SETX: variants seen among roughly 807,000 people sequenced by gnomAD.
SETX encodes the protein helicase senataxin.
Under a neutral mutation model 227.2 loss-of-function variants are expected in SETX, and 90 were observed. That is an observed-to-expected ratio of 0.40 (90% CI 0.33 to 0.47). The LOEUF is 0.47. SETX is among the 20% of genes least tolerant of loss of function. The probability of loss-of-function intolerance (pLI) is 0.91; values close to 1 mark genes in which losing one functional copy is unlikely to be tolerated. For synonymous variants in SETX, 1,210 were observed against 1,113.2 expected (o/e 1.09, Z -1.73); for missense variants, 3,052 against 3,181.5 (o/e 0.96, Z 0.98).
rs202047872 is a variant in SETX, at chr9:132,327,118, C to A, written c.4480G>T (p.Asp1494Tyr). 6 of 1,614,194 alleles carry A rather than the reference C, an allele frequency of 3.7e-6. No homozygotes were observed. In the East Asian group the frequency reaches 1.1e-4, roughly 30 times the overall value. ...TCATTTTGGGTTAAAAATAAGTTATCTTCCTCTGCATCACTGCTGGAGTCA... is the reference window on the plus strand; with the variant it reads ...TCATTTTGGGTTAAAAATAAGTTATATTCCTCTGCATCACTGCTGGAGTCA... Reference protein sequence around the residue: ...EPDSSSDAEEDNLFLTQNDPE... With the variant: ...EPDSSSDAEEYNLFLTQNDPE... Residue 1494 changes from aspartate (D) to tyrosine (Y), a missense_variant, in exon 10 of 26, where the codon GAT becomes TAT. Asp to Tyr is a radical substitution (Grantham distance 160, BLOSUM62 -3). This residue lies in a region of SETX where 1,483 missense variants were observed against 1,312.0 expected (regional missense o/e 1.13). Coordinates refer to ENST00000224140, the MANE Select transcript of SETX (RefSeq NM_015046.7).
intron 12 of SETX, 34 bp downstream of exon 12, chr9:132,300,596 G>A: frequency 6.2e-7 from 1 of 1,603,750 alleles, no homozygotes; most frequent in Non-Finnish European, 8.5e-7. Flanking sequence ...GACTGTATCT[G>A]ACATTTCCTG....
Position 132,263,718 on chromosome 9 carries a change from CAGCACTA to C in SETX, c.*514_*520del. 6.4e-6 allele frequency: 1 copy of C among 156,918 alleles called. No homozygotes were observed. Among genetic ancestry groups the C allele is most frequent in the South Asian group, 1.9e-4 (1 of 5,298 alleles). 9.7% of individuals were successfully genotyped at this position (156,918 alleles called of 1,614,324 possible). On this transcript the variant is annotated 3_prime_UTR_variant, in exon 26 of 26. Coordinates refer to ENST00000224140, the MANE Select transcript of SETX (RefSeq NM_015046.7). ...ATAGAGCCAGAGACACCTGACCCAC[CAGCACTA>C]ACTCAGCTTATTCCAAGCTAGGCTG...
chr9:132,302,914 T>G (rs1564510588), intron 11 of SETX, among the ~76,000 whole-genome samples: 1 of 152,180 alleles, frequency 6.6e-6, no homozygotes, highest in African/African-American at 2.4e-5. Flanking sequence ...CAACTGATAT[T>G]CCGACAAATA....
intron 10 of SETX, among the ~76,000 whole-genome samples, chr9:132,314,099 T>C (rs10901159): frequency 0.26 from 36,625 of 142,334 alleles, 5,530 homozygotes; most frequent in East Asian, 0.67. Flanking sequence ...CCCAGCTCAC[T>C]TTTTTTTTTG....
chr9:132,289,587 T>C (rs1844162314), intron 15 of SETX, among the ~76,000 whole-genome samples: 1 of 152,190 alleles, frequency 6.6e-6, no homozygotes, highest in African/African-American at 2.4e-5. Flanking sequence ...AACTGCAGAA[T>C]ATTTCAAAAA....
rs1589637714 is a variant in SETX, at chr9:132,283,352, C to T, written c.6458G>A (p.Cys2153Tyr). 6.2e-7 allele frequency: 1 copy of T among 1,614,166 alleles called. No homozygotes were observed. The highest frequency in any genetic ancestry group is 8.5e-7 in the Non-Finnish European group (1 of 1,180,018). The stretch of plus-strand genomic sequence containing the variant: ...TAAACCACCACTTGTGCTCAACGTG[C>T]AGCAGATGATATGGGACTCTAAGAT... ...IIILESHIIC[C>Y]TLSTSGGLLL... Residue 2153 changes from cysteine (C) to tyrosine (Y), a missense_variant, in exon 19 of 26, where the codon TGC becomes TAC. By Grantham distance (194) the Cys-to-Tyr change is radical. Around this residue, in one of 10 missense-constraint regions of SETX, gnomAD observed 412 missense variants for 589.0 expected, o/e 0.70. Coordinates refer to ENST00000224140, the MANE Select transcript of SETX (RefSeq NM_015046.7).
chr9:132,300,312 G>GT (rs757099479), intron 12 of SETX, among the ~76,000 whole-genome samples: 2 of 152,088 alleles, frequency 1.3e-5, no homozygotes, highest in Non-Finnish European at 2.9e-5. Flanking sequence ...CATCTCATTA[G>GT]TAATTGGCCA....
rs190986158 is a variant in SETX, at chr9:132,291,493, C to A, written c.6107-2842G>T. On this transcript the variant is annotated intron_variant, in intron 15 of 25. Transcript: ENST00000224140. ...AAAATTTCTTAATTCACTTACGTTT[C>A]CACTAGAAAGGTAGATGAGATTACC... Among the ~76,000 whole-genome samples the A allele has an allele frequency of 7.6e-4, 116 of 152,180 alleles. 1 individual carries two copies. Among genetic ancestry groups the A allele is most frequent in the African/African-American group, 2.4e-3 (101 of 41,510 alleles).
At chr9:132,296,771 AT>A in intron 14 of SETX, 115 bp downstream of exon 14, 1 of 971,758 alleles carries the variant, frequency 1.0e-6, no homozygotes, top group Non-Finnish European at 1.6e-6. Context: ...AATATAAAAA[AT>A]ATATACAAAT....
At chr9:132,307,129 C>A (rs1194498586) in intron 11 of SETX, among the ~76,000 whole-genome samples, 2 of 152,102 alleles carry the variant, frequency 1.3e-5, no homozygotes, top group Non-Finnish European at 2.9e-5. Flanking sequence ...GTGGTGAGCA[C>A]CTGTAATCCC....
chr9:132,303,247 T>C (rs1845118989), intron 11 of SETX, among the ~76,000 whole-genome samples: 1 of 150,300 alleles, frequency 6.7e-6, no homozygotes. Context: ...GCTCTCAAAC[T>C]CCTGGCCTGA....
chr9:132,267,876 C>T (rs1842722594), intron 25 of SETX, among the ~76,000 whole-genome samples: 1 of 152,226 alleles, frequency 6.6e-6, no homozygotes, highest in African/African-American at 2.4e-5. Context: ...ATCCAGAGTG[C>T]ACTGCCAAGA....
chr9:132,291,159 CTTTTTTTTTT>C (rs139976052), intron 15 of SETX, among the ~76,000 whole-genome samples: 2 of 83,822 alleles, frequency 2.4e-5, no homozygotes, highest in Non-Finnish European at 4.2e-5. Flanking sequence ...GTTTGAAAAC[CTTTTTTTTTT>C]TTTTTTTTTT....
intron 11 of SETX, among the ~76,000 whole-genome samples, chr9:132,305,266 A>T (rs1410022622): frequency 6.8e-6 from 1 of 146,214 alleles, no homozygotes; most frequent in Non-Finnish European, 1.5e-5. Flanking sequence ...AGGCAGGAGA[A>T]TGGCGTGAAC....
intron 5 of SETX, 101 bp downstream of exon 5, chr9:132,342,589 G>A: frequency 9.5e-6 from 9 of 942,482 alleles, no homozygotes; most frequent in Non-Finnish European, 1.6e-5. Flanking sequence ...AAAAATTTTA[G>A]CAAACATTTT....
Position 132,298,096 on chromosome 9 carries a change from G to T in SETX, c.5765C>A (p.Thr1922Lys), listed in dbSNP as rs776905858. 6.2e-7 allele frequency: 1 copy of T among 1,613,050 alleles called. No individual in the cohort carries two copies. Among genetic ancestry groups the T allele is most frequent in the Non-Finnish European group, 8.5e-7 (1 of 1,179,086 alleles). ...ATCACTCACAATTCTCTCAGATGTT[G>T]TAGTCAGTAAATCTTTTGTACAGAA... ...MDFCTKDLLT[T>K]TSERIIAYLR... is the part of the protein sequence containing the mutation. The change falls in exon 13 of 26, where the codon ACA (threonine) becomes AAA (lysine). Residue 1922 changes from threonine (T) to lysine (K), a missense_variant. This residue lies in a region of SETX where 239 missense variants were observed against 272.1 expected (regional missense o/e 0.88). Coordinates refer to ENST00000224140, the MANE Select transcript of SETX (RefSeq NM_015046.7).
chr9:132,275,100 A>C lies in SETX; in HGVS notation c.7100+156T>G, dbSNP rs1843088431. 6.1e-5 allele frequency: 46 copies of C among 752,538 alleles called. No homozygotes were observed. The South Asian group carries it at 7.1e-4, about 12-fold the overall frequency. 46.6% of individuals were successfully genotyped at this position (752,538 alleles called of 1,614,324 possible). ...CCTGTCTACCCAGGAGCCACACAGC[A>C]CAAGTCTATGAAAGCCAGCAGCATC... On this transcript the variant is annotated intron_variant, in intron 23 of 25. Transcript: ENST00000224140.
intron 10 of SETX, among the ~76,000 whole-genome samples, chr9:132,313,880 G>A (rs1845812555): frequency 6.7e-6 from 1 of 149,152 alleles, no homozygotes; most frequent in Admixed American, 6.7e-5. Context: ...AGAACATTTA[G>A]AATACACTGA....
chr9:132,265,444 C>T (rs1419863948), intron 25 of SETX, among the ~76,000 whole-genome samples: 1 of 151,904 alleles, frequency 6.6e-6, no homozygotes, highest in Non-Finnish European at 1.5e-5. Context: ...CCAAGATGGT[C>T]TCGATCTCCT....
Sources: allele counts gnomAD v4.1 joint callset (sites outside exome capture counted in the v4.1 genomes callset), GRCh38; gene constraint gnomAD v4.1.1; regional missense constraint gnomAD v4.1.1; transcripts MANE v1.5; gene names NCBI Gene and HGNC (gene_info 2026-07-23, HGNC 2026-07-21).